DCC: variants seen among roughly 807,000 people sequenced by gnomAD.
The protein encoded by DCC is netrin receptor DCC.
DCC carries 58 observed loss-of-function variants against 172.5 expected under a neutral mutation model. The ratio of observed to expected loss-of-function variants is 0.34; its 90% CI spans 0.27 to 0.42. DCC has a LOEUF of 0.42. DCC is among the 10% of genes least tolerant of loss of function. DCC has a pLI of 1.00. For synonymous variants in DCC, 709 were observed against 644.5 expected, an observed-to-expected ratio of 1.10 and a Z score of -1.52; for missense variants, 1,740 against 1,791.0, an observed-to-expected ratio of 0.97 and a Z score of 0.51.
chr18:53,207,966 C>G (rs2055679509), intron 11 of DCC, 149 bp downstream of exon 11: 2 of 731,954 alleles, frequency 2.7e-6, no homozygotes, highest in Non-Finnish European at 4.7e-6. Context: ...AACTTTCTAT[C>G]AAGATACATA....
intron 9 of DCC, among the ~76,000 whole-genome samples, chr18:53,190,571 A>G (rs1381884011): frequency 6.6e-6 from 1 of 152,028 alleles, no homozygotes; most frequent in Non-Finnish European, 1.5e-5. Context: ...TTTTGATAAC[A>G]GTTCTTTAAT....
At chr18:53,520,145 C>G (rs2046383928) in intron 27 of DCC, among the ~76,000 whole-genome samples, 1 of 152,044 alleles carries the variant, frequency 6.6e-6, no homozygotes, top group Admixed American at 6.6e-5. Context: ...TGGCAATGCC[C>G]CATTTCAATG....
intron 10 of DCC, 79 bp from the exon 11 acceptor site, chr18:53,207,600 T>G: frequency 2.3e-6 from 3 of 1,316,810 alleles, no homozygotes; most frequent in Non-Finnish European, 3.3e-6. Flanking sequence ...AATGTCCAAT[T>G]CACTGATTGC....
intron 12 of DCC, among the ~76,000 whole-genome samples, chr18:53,274,938 A>G (rs2056789083): frequency 6.6e-6 from 1 of 152,122 alleles, no homozygotes; most frequent in African/African-American, 2.4e-5. Flanking sequence ...TGAGCCTCAG[A>G]CAGTTGCATT....
intron 7 of DCC, among the ~76,000 whole-genome samples, chr18:53,148,313 A>G (rs1034152893): frequency 2.0e-5 from 3 of 152,152 alleles, no homozygotes; most frequent in Non-Finnish European, 4.4e-5. Context: ...ATGGTGATGC[A>G]CATGAAGGGT....
At chr18:53,028,145 C>CACACT (rs2041981678) in intron 5 of DCC, among the ~76,000 whole-genome samples, 1 of 152,042 alleles carries the variant, frequency 6.6e-6, no homozygotes, top group Admixed American at 6.6e-5. Flanking sequence ...TCTCATGTTG[C>CACACT]CTACATGGGC....
chr18:53,020,552 G>A (rs554768071), intron 5 of DCC, among the ~76,000 whole-genome samples: 97 of 152,240 alleles, frequency 6.4e-4, no homozygotes, highest in African/African-American at 2.2e-3. Flanking sequence ...TCCTAACAAT[G>A]TGGCATGTTT....
At position 52,569,277 on chromosome 18, in the gene DCC, AG is replaced by A. The variant is rs1422008664; in HGVS notation, c.92-182775del. Among the ~76,000 whole-genome samples, 3 of 152,188 alleles carry A rather than the reference AG, an allele frequency of 2.0e-5. No individual in the cohort carries two copies. In the East Asian group the frequency reaches 5.8e-4, roughly 29 times the overall value. On this transcript the variant is annotated intron_variant, in intron 1 of 28. Coordinates refer to ENST00000442544, the MANE Select transcript of DCC (RefSeq NM_005215.4). Reference sequence around the variant, plus strand: ...CTATTTCCTAGTATTGTCGCTTGCTAGGTGTATAGATTTGCACAAATTATTC... The same window carrying A: ...CTATTTCCTAGTATTGTCGCTTGCTAGTGTATAGATTTGCACAAATTATTC...
chr18:52,934,342 A>T (rs1166936491), intron 5 of DCC, among the ~76,000 whole-genome samples: 1 of 152,044 alleles, frequency 6.6e-6, no homozygotes. Context: ...GATGATGTCC[A>T]TTTGTGATGT....
intron 5 of DCC, among the ~76,000 whole-genome samples, chr18:53,043,008 A>G (rs1433405346): frequency 6.6e-6 from 1 of 151,996 alleles, no homozygotes; most frequent in Non-Finnish European, 1.5e-5. Flanking sequence ...CTATAAAGAC[A>G]TATGCACACG....
rs2040183120 is a variant in DCC at position 52,925,230 on chromosome 18, G to T, written c.849-4G>T. 6.2e-7 allele frequency: 1 copy of T among 1,611,562 alleles called. No homozygotes were observed. Among genetic ancestry groups the T allele is most frequent in the Admixed American group, 1.7e-5 (1 of 59,874 alleles). ...TTACTCTGCACCTTCCCTATGTCTTGCAGGTCTAAAAAGTATTCTTTATTG... is the reference window on the plus strand; with the variant it reads ...TTACTCTGCACCTTCCCTATGTCTTTCAGGTCTAAAAAGTATTCTTTATTG... On this transcript the variant is annotated splice_region_variant and splice_polypyrimidine_tract_variant and intron_variant, in intron 4 of 28. Coordinates refer to ENST00000442544, the MANE Select transcript of DCC (RefSeq NM_005215.4).
chr18:53,240,551 G>T (rs548444116), intron 12 of DCC, among the ~76,000 whole-genome samples: 1 of 152,136 alleles, frequency 6.6e-6, no homozygotes, highest in Non-Finnish European at 1.5e-5. Flanking sequence ...GGCATAAAAG[G>T]TCTTGGTGTC....
At chr18:53,153,399 T>C (rs1379934259) in intron 7 of DCC, among the ~76,000 whole-genome samples, 2 of 152,162 alleles carry the variant, frequency 1.3e-5, no homozygotes, top group African/African-American at 4.8e-5. Flanking sequence ...GGCCTGATGC[T>C]ATGAATTTTT....
At chr18:52,521,661 G>C (rs35043086) in intron 1 of DCC, among the ~76,000 whole-genome samples, 1 of 152,080 alleles carries the variant, frequency 6.6e-6, no homozygotes, top group Admixed American at 6.6e-5. Context: ...TCTTCAGTTT[G>C]GGGGAGGTAT....
chr18:52,531,774 A>G (rs996098354), intron 1 of DCC, among the ~76,000 whole-genome samples: 2 of 152,002 alleles, frequency 1.3e-5, no homozygotes, highest in East Asian at 3.9e-4. Flanking sequence ...CTTCTGCTTC[A>G]TTGTTACCTA....
intron 1 of DCC, among the ~76,000 whole-genome samples, chr18:52,574,299 T>C (rs2033363105): frequency 6.6e-6 from 1 of 152,208 alleles, no homozygotes; most frequent in South Asian, 2.1e-4. Context: ...AGCCTGCATT[T>C]ATGAATGTGG....
At chr18:52,465,762 A>G (rs778081562) in intron 1 of DCC, among the ~76,000 whole-genome samples, 1 of 152,166 alleles carries the variant, frequency 6.6e-6, no homozygotes, top group East Asian at 1.9e-4. Context: ...TCCCTCGTTT[A>G]GTTAATGCTG....
intron 1 of DCC, among the ~76,000 whole-genome samples, chr18:52,656,739 GT>G (rs2035262024): frequency 6.6e-6 from 1 of 151,970 alleles, no homozygotes; most frequent in Admixed American, 6.6e-5. Flanking sequence ...ATGGTCTGTT[GT>G]TTTCTTTTTT....
At chr18:53,081,062 A>G (rs2042793098) in intron 7 of DCC, among the ~76,000 whole-genome samples, 1 of 152,090 alleles carries the variant, frequency 6.6e-6, no homozygotes, top group African/African-American at 2.4e-5. Context: ...GGACTGGAAT[A>G]TATTGATTTG....
Sources: allele counts gnomAD v4.1 joint callset (sites outside exome capture counted in the v4.1 genomes callset), GRCh38; gene constraint gnomAD v4.1.1; transcripts MANE v1.5; gene names NCBI Gene and HGNC (gene_info 2026-07-23, HGNC 2026-07-21).